The following PIGF variants were observed in gnomAD, a reference collection of about 807,000 sequenced individuals.
The protein encoded by PIGF is GPI ethanolamine phosphate transferase, stabilizing subunit.
A neutral mutation model predicts 26.0 loss-of-function variants in PIGF; 23 were observed. That is an observed-to-expected ratio of 0.88 (90% CI 0.64 to 1.25). The LOEUF (loss-of-function observed/expected upper bound fraction) is 1.25, where lower values mean the gene tolerates loss of function less well. PIGF is among the 50% of genes most tolerant of loss of function. The pLI is 0.00. For missense variants in PIGF, 278 were observed against 249.9 expected, an observed-to-expected ratio of 1.11 and a Z score of -0.76; for synonymous variants, 93 against 92.6, an observed-to-expected ratio of 1.00 and a Z score of -0.03.
At position 46,612,316 on chromosome 2, in the gene PIGF, C is replaced by A. The variant is rs1374321091; in HGVS notation, c.349G>T (p.Val117Phe). The A allele has an allele frequency of 2.7e-6, 4 of 1,455,858 alleles. No individual in the cohort carries two copies. The highest frequency in any genetic ancestry group is 1.5e-5 in the African/African-American group (1 of 68,274). The allele number at this position is 1,455,858 out of a possible 1,614,324, so 90.2% of individuals were successfully genotyped here. The change falls in exon 4 of 6, where the codon GTT becomes TTT. Residue 117 changes from valine to phenylalanine, a missense_variant. Val to Phe is a conservative substitution (Grantham distance 50). Coordinates refer to ENST00000281382, the MANE Select transcript of PIGF (RefSeq NM_002643.4). ...ACAGTAGTAAAAGTAGACAAAATAA[C>A]TGCAAATAAAAATGTTTCCAATGCC... ...ELALETFLFA[V>F]ILSTFTTVPC...
intron 4 of PIGF, among the ~76,000 whole-genome samples, chr2:46,598,923 G>C (rs1444376295): frequency 2.0e-5 from 3 of 152,146 alleles, no homozygotes; most frequent in Non-Finnish European, 4.4e-5. Flanking sequence ...CAAGCACGGG[G>C]ATGCACAGAA....
intron 4 of PIGF, among the ~76,000 whole-genome samples, chr2:46,605,640 A>G: frequency 6.6e-6 from 1 of 152,152 alleles, no homozygotes; most frequent in East Asian, 1.9e-4. Context: ...CTTGTCTAAG[A>G]TCACTTGGCC....
At chr2:46,612,127 G>A in intron 4 of PIGF, 101 bp downstream of exon 4, 1 of 411,880 alleles carries the variant, frequency 2.4e-6, no homozygotes, top group Non-Finnish European at 4.3e-6. Context: ...CATCAGCAAT[G>A]AGAAGCACTC....
intron 5 of PIGF, 72 bp downstream of exon 5, chr2:46,592,403 C>T (rs1469593556): frequency 2.5e-6 from 2 of 793,844 alleles, no homozygotes; most frequent in South Asian, 2.8e-5. Flanking sequence ...CATATACACA[C>T]TAGTTTGCTT....
chr2:46,590,278 T>A (rs922445669), intron 5 of PIGF, among the ~76,000 whole-genome samples: 6 of 152,166 alleles, frequency 3.9e-5, no homozygotes, highest in African/African-American at 1.4e-4. Context: ...TTCATCCTTA[T>A]TGTTAACAAG....
At chr2:46,612,721 A>G (rs1217532255) in intron 3 of PIGF, among the ~76,000 whole-genome samples, 10 of 152,104 alleles carry the variant, frequency 6.6e-5, no homozygotes, top group Admixed American at 6.5e-4. Context: ...CTATTGAACC[A>G]CTATTGAATA....
At chr2:46,611,793 T>A (rs2104139047) in intron 4 of PIGF, among the ~76,000 whole-genome samples, 1 of 152,270 alleles carries the variant, frequency 6.6e-6, no homozygotes, top group East Asian at 1.9e-4. Context: ...AACAAGAAAT[T>A]ATCATTGTTA....
At chr2:46,605,723 A>G (rs1670200854) in intron 4 of PIGF, among the ~76,000 whole-genome samples, 1 of 152,226 alleles carries the variant, frequency 6.6e-6, no homozygotes, top group Admixed American at 6.5e-5. Context: ...CTTCTACACC[A>G]TCTAATGATC....
At chr2:46,610,046 A>C (rs1670360741) in intron 4 of PIGF, among the ~76,000 whole-genome samples, 1 of 152,196 alleles carries the variant, frequency 6.6e-6, no homozygotes, top group East Asian at 1.9e-4. Context: ...GGAACAATAA[A>C]ATGAGGTATG....
At chr2:46,596,107 G>A (rs909323260) in intron 4 of PIGF, among the ~76,000 whole-genome samples, 4 of 151,772 alleles carry the variant, frequency 2.6e-5, no homozygotes, top group East Asian at 1.9e-4. Context: ...CCAGCTACTC[G>A]GGAGGCTGAG....
chr2:46,603,418 AAGAAC>A (rs1670121365), intron 4 of PIGF, among the ~76,000 whole-genome samples: 3 of 152,120 alleles, frequency 2.0e-5, no homozygotes, highest in Non-Finnish European at 1.5e-5. Flanking sequence ...CCTGAGCAAA[AAGAAC>A]AGAACTGGAA....
chr2:46,601,877 T>C (rs1030888774), intron 4 of PIGF, among the ~76,000 whole-genome samples: 5 of 151,990 alleles, frequency 3.3e-5, no homozygotes, highest in African/African-American at 1.2e-4. Flanking sequence ...TTTAGTACTA[T>C]TCAGGAATCT....
At chr2:46,585,786 T>G (rs1669552698) in intron 5 of PIGF, among the ~76,000 whole-genome samples, 1 of 152,154 alleles carries the variant, frequency 6.6e-6, no homozygotes, top group Non-Finnish European at 1.5e-5. Flanking sequence ...CATCTTTTTT[T>G]TTTTTGAGAC....
intron 4 of PIGF, among the ~76,000 whole-genome samples, chr2:46,603,474 G>A (rs1023915566): frequency 4.0e-5 from 6 of 150,968 alleles, no homozygotes; most frequent in Admixed American, 6.6e-5. Context: ...CAGAGCTACT[G>A]TAACCAAAAC....
At chr2:46,604,040 C>A (rs966614246) in intron 4 of PIGF, among the ~76,000 whole-genome samples, 4 of 151,586 alleles carry the variant, frequency 2.6e-5, no homozygotes, top group African/African-American at 9.7e-5. Context: ...ATCCAATTTA[C>A]AAATGGGCAA....
chr2:46,599,255 G>A (rs142599592), intron 4 of PIGF, among the ~76,000 whole-genome samples: 5 of 152,258 alleles, frequency 3.3e-5, no homozygotes, highest in Admixed American at 6.5e-5. Flanking sequence ...TCCATTGCTT[G>A]TATTAGTTTT....
In PIGF at chr2:46,598,220, T is replaced by TAA. The variant is rs539372939; in HGVS notation, c.438-5639_438-5638dup. On this transcript the variant is annotated intron_variant, in intron 4 of 5. Coordinates refer to ENST00000281382, the MANE Select transcript of PIGF (RefSeq NM_002643.4). ...CCTGTTCACCTTTTATGGTAAACTTTAAAAAAAAAAAGTAAGTTTTTAAGT... is the reference window on the plus strand; with the variant it reads ...CCTGTTCACCTTTTATGGTAAACTTTAAAAAAAAAAAAAGTAAGTTTTTAAGT... Among the ~76,000 whole-genome samples the TAA allele has an allele frequency of 1.7e-4, 25 of 148,164 alleles. No individual in the cohort carries two copies. The East Asian group carries it at 4.7e-3, about 28-fold the overall frequency.
Position 46,612,274 on chromosome 2 carries a change from A to G in PIGF, c.391T>C (p.Leu131=). The G allele has an allele frequency of 6.7e-7, 1 of 1,485,184 alleles. No individual in the cohort carries two copies. The highest frequency in any genetic ancestry group is 9.0e-7 in the Non-Finnish European group (1 of 1,110,502). The allele number at this position is 1,485,184 out of a possible 1,614,324, so 92.0% of individuals were successfully genotyped here. A position where few individuals can be genotyped will look rare whatever the true frequency, so the allele number is the denominator to read the frequency against. ...AGCCATGCTTTGAGGTTTGGTCCTA[A>G]CAAACATAAGCAAGGCACAGTAGTA... ...TFTTVPCLCL[L]GPNLKAWLRV... The change falls in exon 4 of 6, where the codon TTA becomes CTA. Residue 131 remains leucine (L), a synonymous_variant. Transcript: ENST00000281382.
intron 4 of PIGF, among the ~76,000 whole-genome samples, chr2:46,597,743 T>G (rs1169841299): frequency 6.6e-6 from 1 of 152,170 alleles, no homozygotes; most frequent in Non-Finnish European, 1.5e-5. Context: ...ACTGCTCCAA[T>G]GTTTTCTGAT....
Sources: allele counts gnomAD v4.1 joint callset (sites outside exome capture counted in the v4.1 genomes callset), GRCh38; gene constraint gnomAD v4.1.1; transcripts MANE v1.5; gene names NCBI Gene and HGNC (gene_info 2026-07-23, HGNC 2026-07-21).